The following GYS1 variants were observed in gnomAD, a reference collection of about 807,000 sequenced individuals.
The protein encoded by GYS1 is glycogen synthase 1, also known as glycogen [starch] synthase, muscle.
Under a neutral mutation model 89.1 loss-of-function variants are expected in GYS1, and 60 were observed. The observed-to-expected ratio is 0.67, with a 90% CI of 0.55 to 0.84. The LOEUF (loss-of-function observed/expected upper bound fraction) is 0.84, where lower values mean the gene tolerates loss of function less well. GYS1 is among the 40% of genes least tolerant of loss of function. The probability of loss-of-function intolerance (pLI) is 0.00; values close to 1 mark genes in which losing one functional copy is unlikely to be tolerated. For missense variants in GYS1, 888 were observed against 1,003.1 expected, an observed-to-expected ratio of 0.89 and a Z score of 1.55; for synonymous variants, 366 against 401.7, an observed-to-expected ratio of 0.91 and a Z score of 1.06.
Position 48,978,109 on chromosome 19 carries a change from T to G in GYS1, c.1218A>C (p.Glu406Asp). 2 of 1,613,926 alleles carry G rather than the reference T, an allele frequency of 1.2e-6. No individual in the cohort carries two copies. Among genetic ancestry groups the G allele is most frequent in the Non-Finnish European group, 1.7e-6 (2 of 1,179,856 alleles). Residue 406 changes from glutamate (E) to aspartate (D), a missense_variant, in exon 9 of 16, where the codon GAA (glutamate) becomes GAC (aspartate). Transcript: ENST00000323798. ...GGTGGGGCACTCACACCAGTAAGGA[T>G]TCATAAAGCTTCCTCCCGAACTTTT... ...VKEKFGRKLY[E>D]SLLVGSLPDM... is the part of the protein sequence containing the mutation.
intron 13 of GYS1, 73 bp from the exon 14 acceptor site, chr19:48,970,782 C>G: frequency 1.3e-6 from 2 of 1,502,674 alleles, no homozygotes; most frequent in Non-Finnish European, 1.8e-6. Flanking sequence ...TCTGTGGCAC[C>G]AGGACCCCTC....
intron 8 of GYS1, among the ~76,000 whole-genome samples, chr19:48,980,461 C>T (rs2038742583): frequency 6.6e-6 from 1 of 152,092 alleles, no homozygotes; most frequent in Non-Finnish European, 1.5e-5. Context: ...CAAGACCAGC[C>T]TGGTCAACGT....
chr19:48,985,247 G>A (rs2038823530), intron 5 of GYS1, among the ~76,000 whole-genome samples: 1 of 152,200 alleles, frequency 6.6e-6, no homozygotes, highest in Non-Finnish European at 1.5e-5. Flanking sequence ...ATGTTGCCCA[G>A]GCTGGTCTCA....
At chr19:48,979,866 C>CA (rs1409873202) in intron 8 of GYS1, among the ~76,000 whole-genome samples, 2 of 151,496 alleles carry the variant, frequency 1.3e-5, no homozygotes, top group Non-Finnish European at 2.9e-5. Flanking sequence ...AAGCTGGTCT[C>CA]AAACTCCCGA....
chr19:48,968,624 C>T lies in GYS1; in HGVS notation c.*664G>A, dbSNP rs895103104. ...GTGTCCTCCAGAAGGAATGAGCAGC[C>T]AAGTGGTTCTACCACCTCTTGCTTG... On this transcript the variant is annotated 3_prime_UTR_variant, in exon 16 of 16. Coordinates refer to ENST00000323798, the MANE Select transcript of GYS1 (RefSeq NM_002103.5). 2.6e-5 allele frequency: 12 copies of T among 454,140 alleles called. No homozygotes were observed. The highest frequency in any genetic ancestry group is 2.4e-4 in the African/African-American group (12 of 50,018). The allele number at this position is 454,140 out of a possible 1,614,324, so 28.1% of individuals were successfully genotyped here. A position where few individuals can be genotyped will look rare whatever the true frequency, so the allele number is the denominator to read the frequency against.
intron 12 of GYS1, among the ~76,000 whole-genome samples, chr19:48,973,503 TAA>T (rs1174619065): frequency 2.8e-5 from 4 of 141,688 alleles, no homozygotes; most frequent in Admixed American, 1.4e-4. Flanking sequence ...AATTTAGCTT[TAA>T]TTTTTTTTTT....
chr19:48,992,222 C>G (rs1225012046), intron 1 of GYS1, among the ~76,000 whole-genome samples: 1 of 152,162 alleles, frequency 6.6e-6, no homozygotes, highest in Non-Finnish European at 1.5e-5. Context: ...AGCAACCCCC[C>G]AGACCCTGCT....
At chr19:48,992,915 G>A in intron 1 of GYS1, 80 bp downstream of exon 1, 1 of 846,836 alleles carries the variant, frequency 1.2e-6, no homozygotes, top group African/African-American at 1.7e-5. Context: ...TAGTAGCCCC[G>A]TCCTCCTACA....
At position 48,968,968 on chromosome 19, in the gene GYS1, G is replaced by A. The variant is rs1233295424; in HGVS notation, c.*320C>T. ...AAAGCCCCAGACCTGAAAGCACCAT[G>A]CCAGGTTTCCTAAAACCTCTGGCAC... On this transcript the variant is annotated 3_prime_UTR_variant, in exon 16 of 16. Transcript: ENST00000323798. 1.7e-6 allele frequency: 1 copy of A among 576,088 alleles called. No individual in the cohort carries two copies. Among genetic ancestry groups the A allele is most frequent in the African/African-American group, 1.8e-5 (1 of 54,268 alleles). The allele number at this position is 576,088 out of a possible 1,614,324, so 35.7% of individuals were successfully genotyped here. A position where few individuals can be genotyped will look rare whatever the true frequency, so the allele number is the denominator to read the frequency against.
rs555082822 is a variant in GYS1 at position 48,979,318 on chromosome 19, C to T, written c.1170-1161G>A. 7.7e-5 allele frequency among the ~76,000 whole-genome samples: 8 copies of T among 104,554 alleles called. No individual in the cohort carries two copies. The East Asian group carries it at 1.6e-3, about 21-fold the overall frequency. 68.6% of individuals were successfully genotyped at this position (104,554 alleles called of 152,430 possible). A position where few individuals can be genotyped will look rare whatever the true frequency, so the allele number is the denominator to read the frequency against. ...CTCATTTATTTTTCTTTCTTTGTCT[C>T]TTTTTCTTTTTTCTTTTCTTTTTTT... is the stretch of plus-strand genomic sequence containing the variant. On this transcript the variant is annotated intron_variant, in intron 8 of 15. Transcript: ENST00000323798.
chr19:48,981,671 A>T (rs1333773825), intron 7 of GYS1, 35 bp from the exon 8 acceptor site: 2 of 1,335,082 alleles, frequency 1.5e-6, no homozygotes, highest in South Asian at 2.3e-5. Context: ...GGCCAGGATC[A>T]TGTGGGGGAA....
At chr19:48,970,439 G>A (rs1000684948) in intron 14 of GYS1, 107 bp downstream of exon 14, 1 of 951,496 alleles carries the variant, frequency 1.1e-6, no homozygotes. Flanking sequence ...ATTGCTTAAA[G>A]GGACAGCAAC....
intron 2 of GYS1, among the ~76,000 whole-genome samples, chr19:48,989,916 G>C (rs571575897): frequency 6.7e-6 from 1 of 148,734 alleles, no homozygotes; most frequent in Non-Finnish European, 1.5e-5. Flanking sequence ...AAGCAGCCCC[G>C]CTCCTCGCCG....
rs1465828184 is a variant in GYS1 at position 48,974,314 on chromosome 19, G to A, written c.1448C>T (p.Ser483Phe). The change falls in exon 12 of 16, where the codon TCC (serine) becomes TTC (phenylalanine). Residue 483 changes from serine (S) to phenylalanine (F), a missense_variant. Ser to Phe is a radical substitution (Grantham distance 155, BLOSUM62 -2). Transcript: ENST00000323798. ...CACAGGGAGCAGGGGGCTTGTGGAG[G>A]AGAGGAACTCCGGGTGGAAAATCAC... is the stretch of plus-strand genomic sequence containing the variant. Reference protein sequence around the residue: ...VKVIFHPEFLSSTSPLLPVDY... With the variant: ...VKVIFHPEFLFSTSPLLPVDY... 5 of 1,613,940 alleles carry A rather than the reference G, an allele frequency of 3.1e-6. No homozygotes were observed. Among genetic ancestry groups the A allele is most frequent in the Non-Finnish European group, 4.2e-6 (5 of 1,179,832 alleles).
intron 11 of GYS1, 25 bp downstream of exon 11, chr19:48,974,595 C>G: frequency 6.5e-7 from 1 of 1,542,460 alleles, no homozygotes; most frequent in Non-Finnish European, 9.0e-7. Flanking sequence ...CCGTGCCCAA[C>G]CCAGCCCTGA....
Position 48,986,042 on chromosome 19 carries a change from G to A in GYS1, c.493-7C>T. 1.2e-6 allele frequency: 2 copies of A among 1,613,628 alleles called. No individual in the cohort carries two copies. The highest frequency in any genetic ancestry group is 1.7e-6 in the Non-Finnish European group (2 of 1,179,800). ...CCTCACTCTGTGCCAGGAACTGTGG[G>A]CAACAGGGACAGGGCCACTGTCTCC... is the stretch of plus-strand genomic sequence containing the variant. On this transcript the variant is annotated splice_region_variant and splice_polypyrimidine_tract_variant and intron_variant, in intron 3 of 15. Transcript: ENST00000323798.
chr19:48,970,346 C>T (rs568124497), intron 14 of GYS1, 200 bp downstream of exon 14: 17 of 591,578 alleles, frequency 2.9e-5, no homozygotes, highest in Non-Finnish European at 4.8e-5. Context: ...CTCTTAACTC[C>T]TGAGCTCATG....
chr19:48,971,438 G>A (rs951592420), intron 12 of GYS1, among the ~76,000 whole-genome samples: 1 of 151,930 alleles, frequency 6.6e-6, no homozygotes, highest in Admixed American at 6.6e-5. Flanking sequence ...GTAAGATAAG[G>A]TCTCTCATTA....
At chr19:48,986,128 A>G (rs2038840460) in intron 3 of GYS1, 93 bp from the exon 4 acceptor site, 2 of 1,110,770 alleles carry the variant, frequency 1.8e-6, no homozygotes, top group African/African-American at 1.5e-5. Flanking sequence ...GGAGAGGTCA[A>G]TCTGTCACCA....
Sources: gnomAD v4.1 joint callset for allele counts (sites outside exome capture counted in the v4.1 genomes callset) on GRCh38, gnomAD v4.1.1 for gene constraint, MANE v1.5 for transcripts, NCBI Gene and HGNC (gene_info 2026-07-23, HGNC 2026-07-21) for gene names.